SPPL3: variants seen among roughly 807,000 people sequenced by gnomAD.
The protein encoded by SPPL3 is signal peptide peptidase like 3.
In SPPL3, 5 loss-of-function variants were observed where a neutral mutation model predicts 42.4. That is an observed-to-expected ratio of 0.12 (90% confidence interval 0.06 to 0.25). The LOEUF is 0.25. SPPL3 is among the 10% of genes least tolerant of loss of function. The pLI, the probability that SPPL3 is intolerant of heterozygous loss-of-function variation, is 1.00. For missense variants in SPPL3, 235 were observed against 489.0 expected (o/e 0.48, Z 4.90); for synonymous variants, 195 against 181.8 (o/e 1.07, Z -0.58).
chr12:120,797,012 A>T (rs1183659411), intron 2 of SPPL3, among the ~76,000 whole-genome samples: 6 of 152,112 alleles, frequency 3.9e-5, no homozygotes, highest in Non-Finnish European at 4.4e-5. Context: ...TCTACCAAAA[A>T]TACAAAAATT....
Position 120,768,688 on chromosome 12 carries a change from G to A in SPPL3, c.610-200C>T, listed in dbSNP as rs528992230. On this transcript the variant is annotated intron_variant, in intron 7 of 10. Coordinates refer to ENST00000353487, the MANE Select transcript of SPPL3 (RefSeq NM_139015.5). Reference sequence around the variant, plus strand: ...TCTCCACACCCAGAGATTACTCCCTGACGGGGTGGCCCCCACTGCAGCGAA... The same window carrying A: ...TCTCCACACCCAGAGATTACTCCCTAACGGGGTGGCCCCCACTGCAGCGAA... 10 of 701,636 alleles carry A rather than the reference G, an allele frequency of 1.4e-5. No homozygotes were observed. The South Asian group carries it at 1.7e-4, about 12-fold the overall frequency. The allele number at this position is 701,636 out of a possible 1,614,324, so 43.5% of individuals were successfully genotyped here.
rs201028941 is a variant in SPPL3 at position 120,852,890 on chromosome 12, CAT to C, written c.24-42006_24-42005del. On this transcript the variant is annotated intron_variant, in intron 1 of 10. Transcript: ENST00000353487. ...TAATATATACATATCATATATATTT[CAT>C]ATATATATATATATTTTTTAAGATG... Among the ~76,000 whole-genome samples the C allele has an allele frequency of 1.4e-3, 12 of 8,766 alleles. 1 individual carries two copies. Among genetic ancestry groups the C allele is most frequent in the Admixed American group, 5.2e-3 (2 of 386 alleles). The allele number at this position is 8,766 out of a possible 152,430, so 5.8% of individuals were successfully genotyped here.
intron 1 of SPPL3, among the ~76,000 whole-genome samples, chr12:120,876,380 G>T (rs899793137): frequency 6.6e-6 from 1 of 151,896 alleles, no homozygotes; most frequent in Admixed American, 6.6e-5. Flanking sequence ...TTGGGAGGCT[G>T]AGGCGGGCAG....
At chr12:120,828,468 C>T (rs909644156) in intron 1 of SPPL3, among the ~76,000 whole-genome samples, 3 of 151,902 alleles carry the variant, frequency 2.0e-5, no homozygotes, top group African/African-American at 7.3e-5. Flanking sequence ...GGAAGTAATA[C>T]AGAGCAGAAA....
At chr12:120,768,175 C>G (rs1326935255) in intron 8 of SPPL3, 150 bp downstream of exon 8, 3 of 1,047,908 alleles carry the variant, frequency 2.9e-6, no homozygotes, top group African/African-American at 3.2e-5. Flanking sequence ...CTTGGCAAGC[C>G]AAGAATCTCA....
intron 1 of SPPL3, among the ~76,000 whole-genome samples, chr12:120,873,673 G>C (rs1195034605): frequency 5.9e-5 from 9 of 152,074 alleles, no homozygotes; most frequent in African/African-American, 2.2e-4. Flanking sequence ...AGGAGTTCCA[G>C]ACCAGCCTGA....
intron 10 of SPPL3, among the ~76,000 whole-genome samples, chr12:120,766,058 C>T (rs1233876076): frequency 2.0e-5 from 3 of 151,308 alleles, no homozygotes; most frequent in African/African-American, 2.4e-5. Context: ...AGTGGCTGCA[C>T]GAATCTGGAA....
intron 1 of SPPL3, among the ~76,000 whole-genome samples, chr12:120,815,484 C>T (rs1870836611): frequency 6.6e-6 from 1 of 152,052 alleles, no homozygotes; most frequent in African/African-American, 2.4e-5. Context: ...AAAACAAGAG[C>T]GGCTTTCTTC....
At chr12:120,867,657 A>AAT (rs1256676629) in intron 1 of SPPL3, among the ~76,000 whole-genome samples, 6 of 21,662 alleles carry the variant, frequency 2.8e-4, no homozygotes, top group East Asian at 0.062. Context: ...CTGTCTTAAA[A>AAT]ATGTATATAT....
intron 2 of SPPL3, among the ~76,000 whole-genome samples, chr12:120,808,314 C>T (rs373882826): frequency 6.6e-6 from 1 of 152,162 alleles, no homozygotes; most frequent in African/African-American, 2.4e-5. Flanking sequence ...GGGCTCAGGG[C>T]ATCTGCCTGC....
At chr12:120,836,764 G>A (rs1421980713) in intron 1 of SPPL3, among the ~76,000 whole-genome samples, 1 of 152,208 alleles carries the variant, frequency 6.6e-6, no homozygotes, top group Non-Finnish European at 1.5e-5. Flanking sequence ...TCACTATCCT[G>A]ACTGTGGTGG....
At chr12:120,837,266 T>A (rs137908597) in intron 1 of SPPL3, among the ~76,000 whole-genome samples, 12 of 152,204 alleles carry the variant, frequency 7.9e-5, no homozygotes, top group Non-Finnish European at 1.6e-4. Flanking sequence ...CAAGCAATAA[T>A]TGTCCCTTCA....
intron 1 of SPPL3, among the ~76,000 whole-genome samples, chr12:120,871,183 T>G (rs1872915929): frequency 6.8e-6 from 1 of 146,472 alleles, no homozygotes; most frequent in South Asian, 2.2e-4. Context: ...TGATGATGAC[T>G]GCACAACAAT....
chr12:120,841,777 AAC>A lies in SPPL3; in HGVS notation c.24-30893_24-30892del, dbSNP rs148892973. Among the ~76,000 whole-genome samples the A allele has an allele frequency of 3.2e-3, 486 of 152,360 alleles. 1 individual carries two copies. The highest frequency in any genetic ancestry group is 6.0e-3 in the Non-Finnish European group (408 of 68,038). On this transcript the variant is annotated intron_variant, in intron 1 of 10. Coordinates refer to ENST00000353487, the MANE Select transcript of SPPL3 (RefSeq NM_139015.5). ...TCTGAGTTTGGAAAGTGAAAGGTCA[AAC>A]ACAGAGTGGTAACTGAGTTTCCTTT...
At chr12:120,784,445 TAAGAC>T (rs1224087611) in intron 4 of SPPL3, 24 bp downstream of exon 4, 3 of 1,559,146 alleles carry the variant, frequency 1.9e-6, no homozygotes, top group Non-Finnish European at 2.6e-6. Flanking sequence ...TTTAGTATGT[TAAGAC>T]TAGACAGAGA....
chr12:120,778,590 A>G (rs754475245), intron 6 of SPPL3, among the ~76,000 whole-genome samples: 1 of 152,142 alleles, frequency 6.6e-6, no homozygotes, highest in Non-Finnish European at 1.5e-5. Flanking sequence ...CCAACCACTG[A>G]GCTGTTCTCC....
intron 1 of SPPL3, among the ~76,000 whole-genome samples, chr12:120,854,347 T>G (rs998249726): frequency 9.9e-5 from 15 of 152,236 alleles, no homozygotes; most frequent in African/African-American, 3.6e-4. Context: ...GTTTTGGTGA[T>G]AAGTGTTGAA....
intron 2 of SPPL3, 67 bp downstream of exon 2, chr12:120,810,742 C>T (rs1870655429): frequency 1.6e-6 from 2 of 1,258,530 alleles, no homozygotes; most frequent in Admixed American, 3.7e-5. Context: ...TTGGTACCAG[C>T]ACTTTCAGAG....
At chr12:120,861,979 C>T (rs141380776) in intron 1 of SPPL3, among the ~76,000 whole-genome samples, 8 of 151,920 alleles carry the variant, frequency 5.3e-5, no homozygotes, top group Non-Finnish European at 8.8e-5. Flanking sequence ...ATTAAGATTC[C>T]AAAACAATAG....
Sources: gnomAD v4.1 joint callset for allele counts (sites outside exome capture counted in the v4.1 genomes callset) on GRCh38, gnomAD v4.1.1 for gene constraint, MANE v1.5 for transcripts, NCBI Gene and HGNC (gene_info 2026-07-23, HGNC 2026-07-21) for gene names.